Variants in IQCJ observed in about 807,000 individuals in gnomAD.
The protein encoded by IQCJ is IQ domain-containing protein J.
A neutral mutation model predicts 11.0 loss-of-function variants in IQCJ; 9 were observed. That is an observed-to-expected ratio of 0.82 (90% CI 0.49 to 1.43). IQCJ has a LOEUF of 1.43. Ranked by LOEUF, IQCJ falls within the 40% of genes most tolerant of loss-of-function variation. The pLI is 0.00. For synonymous variants in IQCJ, 55 were observed against 51.3 expected, an observed-to-expected ratio of 1.07 and a Z score of -0.31; for missense variants, 146 against 133.2, an observed-to-expected ratio of 1.10 and a Z score of -0.47.
intron 1 of IQCJ, among the ~76,000 whole-genome samples, chr3:159,122,615 A>G (rs960869068): frequency 6.6e-6 from 1 of 152,112 alleles, no homozygotes; most frequent in East Asian, 1.9e-4. Flanking sequence ...ACTTTTAACT[A>G]TCTTCTGTTG....
chr3:159,260,365 T>C (rs1217799339), intron 3 of IQCJ, among the ~76,000 whole-genome samples: 2 of 152,242 alleles, frequency 1.3e-5, no homozygotes, highest in Non-Finnish European at 2.9e-5. Flanking sequence ...CAGTGTAGAA[T>C]ACCTCAAAGT....
At chr3:159,111,033 A>G (rs1199456160) in intron 1 of IQCJ, among the ~76,000 whole-genome samples, 1 of 152,184 alleles carries the variant, frequency 6.6e-6, no homozygotes, top group Non-Finnish European at 1.5e-5. Context: ...TTTGCAAGTA[A>G]TAGTTTCAGA....
intron 1 of IQCJ, among the ~76,000 whole-genome samples, chr3:159,095,168 C>T (rs1717641501): frequency 6.6e-6 from 1 of 151,806 alleles, no homozygotes; most frequent in Non-Finnish European, 1.5e-5. Flanking sequence ...ACCCTTATAC[C>T]TTAGAAGTTG....
intron 1 of IQCJ, among the ~76,000 whole-genome samples, chr3:159,183,059 A>G (rs1054155085): frequency 6.6e-6 from 1 of 152,156 alleles, no homozygotes; most frequent in African/African-American, 2.4e-5. Flanking sequence ...TGATAGGAGT[A>G]GGGAAAGTTC....
chr3:159,171,835 T>A (rs1464794896), intron 1 of IQCJ, among the ~76,000 whole-genome samples: 1 of 152,214 alleles, frequency 6.6e-6, no homozygotes, highest in African/African-American at 2.4e-5. Context: ...CCAGAGGGTC[T>A]GATTTAGTAG....
At chr3:159,157,988 A>G (rs1037742630) in intron 1 of IQCJ, among the ~76,000 whole-genome samples, 4 of 152,150 alleles carry the variant, frequency 2.6e-5, no homozygotes, top group Admixed American at 2.6e-4. Context: ...CTTTTCTATC[A>G]CAAACAATGC....
At chr3:159,260,410 C>T (rs1463164137) in intron 3 of IQCJ, among the ~76,000 whole-genome samples, 1 of 152,190 alleles carries the variant, frequency 6.6e-6, no homozygotes, top group African/African-American at 2.4e-5. Context: ...TGGTTGTCAA[C>T]ATTTTCTAAT....
At position 159,149,713 on chromosome 3, in the gene IQCJ, T is replaced by C. The variant is rs181207913; in HGVS notation, c.9+80272T>C. ...AGTTAACATTTATTCTCATTCACTG[T>C]AATCTAAACTACAAGTAAATTGGAT... On this transcript the variant is annotated intron_variant, in intron 1 of 3. Transcript: ENST00000397832. Among the ~76,000 whole-genome samples, 987 of 152,336 alleles carry C rather than the reference T, an allele frequency of 6.5e-3. 21 individuals carry two copies. The highest frequency in any genetic ancestry group is 6.2e-3 in the Non-Finnish European group (421 of 68,026).
chr3:159,262,707 A>G lies in IQCJ; in HGVS notation c.315A>G (p.Leu105=), dbSNP rs554739583. 1.3e-5 allele frequency: 21 copies of G among 1,613,682 alleles called. No homozygotes were observed. The highest frequency in any genetic ancestry group is 4.5e-5 in the East Asian group (2 of 44,868). Residue 105 remains leucine (L), a synonymous_variant, in exon 4 of 4, where the codon CTA becomes CTG. Coordinates refer to ENST00000397832, the MANE Select transcript of IQCJ (RefSeq NM_001042706.3). ...STPVSVMFLF[L]CPDLTFN ...CCGTGAGTGTCATGTTTCTTTTTCT[A>G]TGTCCTGACTTGACATTCAACTGAA...
At chr3:159,120,200 G>A (rs1458429111) in intron 1 of IQCJ, among the ~76,000 whole-genome samples, 1 of 152,178 alleles carries the variant, frequency 6.6e-6, no homozygotes, top group East Asian at 1.9e-4. Context: ...ACTTTGGAGA[G>A]GGTCCTAGAG....
intron 1 of IQCJ, among the ~76,000 whole-genome samples, chr3:159,208,986 T>C (rs927702522): frequency 1.3e-5 from 2 of 152,142 alleles, no homozygotes; most frequent in African/African-American, 4.8e-5. Context: ...AAGGAAATAC[T>C]GGGTAGAAGA....
intron 1 of IQCJ, among the ~76,000 whole-genome samples, chr3:159,125,032 CA>C (rs1399688121): frequency 6.6e-6 from 1 of 152,100 alleles, no homozygotes; most frequent in Admixed American, 6.6e-5. Context: ...GTGGGATGCA[CA>C]TAGTGACTTC....
chr3:159,171,115 A>C (rs9968056), intron 1 of IQCJ, among the ~76,000 whole-genome samples: 26,954 of 151,874 alleles, frequency 0.18, 2,485 homozygotes, highest in African/African-American at 0.22. Flanking sequence ...AGGTAAACAA[A>C]TATGGCCAGT....
intron 1 of IQCJ, among the ~76,000 whole-genome samples, chr3:159,169,344 G>A (rs1054395291): frequency 1.4e-5 from 2 of 139,074 alleles, no homozygotes; most frequent in Non-Finnish European, 3.0e-5. Context: ...GAGTGGAATG[G>A]TGTGATCTCG....
At chr3:159,220,636 C>T (rs566688651) in intron 1 of IQCJ, among the ~76,000 whole-genome samples, 2 of 152,306 alleles carry the variant, frequency 1.3e-5, no homozygotes, top group African/African-American at 4.8e-5. Context: ...ATCGTGGGGA[C>T]TGGAGACACT....
At chr3:159,189,294 C>A (rs76341374) in intron 1 of IQCJ, among the ~76,000 whole-genome samples, 7,881 of 152,190 alleles carry the variant, frequency 0.052, 635 homozygotes, top group African/African-American at 0.18. Context: ...GATATATTTG[C>A]ATTTTTCATA....
intron 1 of IQCJ, among the ~76,000 whole-genome samples, chr3:159,194,842 G>C (rs73877541): frequency 0.099 from 15,029 of 152,190 alleles, 2,496 homozygotes; most frequent in African/African-American, 0.35. Context: ...ACTGGGTGTG[G>C]TGGCTCACGC....
Position 159,263,728 on chromosome 3 carries a change from A to T in IQCJ, c.*997A>T, listed in dbSNP as rs1158204815. On this transcript the variant is annotated 3_prime_UTR_variant, in exon 4 of 4. Transcript: ENST00000397832. ...ATTTGAAATGTTTTCAGATGGTTGC[A>T]TTGCATATTCTTCAATAAATGGTTT... The T allele has an allele frequency of 1.1e-4, 108 of 985,090 alleles. No homozygotes were observed. Among genetic ancestry groups the T allele is most frequent in the Non-Finnish European group, 1.3e-4 (107 of 829,714 alleles). The allele number at this position is 985,090 out of a possible 1,614,324, so 61.0% of individuals were successfully genotyped here. A position where few individuals can be genotyped will look rare whatever the true frequency, so the allele number is the denominator to read the frequency against.
Position 159,263,104 on chromosome 3 carries a change from G to T in IQCJ, c.*373G>T. On this transcript the variant is annotated 3_prime_UTR_variant, in exon 4 of 4. Coordinates refer to ENST00000397832, the MANE Select transcript of IQCJ (RefSeq NM_001042706.3). ...ATTGAAAGTGGTCACACACTCAGGG[G>T]TTGCAACTTAAATGTCTCCAGGGGC... The T allele has an allele frequency of 2.0e-6, 2 of 990,570 alleles. No individual in the cohort carries two copies. The highest frequency in any genetic ancestry group is 2.4e-6 in the Non-Finnish European group (2 of 832,214). 61.4% of individuals were successfully genotyped at this position (990,570 alleles called of 1,614,324 possible).
Sources: allele counts gnomAD v4.1 joint callset (sites outside exome capture counted in the v4.1 genomes callset), GRCh38; gene constraint gnomAD v4.1.1; transcripts MANE v1.5; gene names NCBI Gene and HGNC (gene_info 2026-07-23, HGNC 2026-07-21).